HMG20A: variants seen among roughly 807,000 people sequenced by gnomAD.
The protein encoded by HMG20A is high mobility group 20A.
In HMG20A, 17 loss-of-function variants were observed where a neutral mutation model predicts 43.9. That is an observed-to-expected ratio of 0.39 (90% CI 0.27 to 0.58). The LOEUF is 0.58. Ranked by LOEUF, HMG20A falls within the 20% of genes least tolerant of loss-of-function variation. The probability of loss-of-function intolerance (pLI) is 0.59; values close to 1 mark genes in which losing one functional copy is unlikely to be tolerated. For synonymous variants in HMG20A, 132 were observed against 147.5 expected (o/e 0.89, Z 0.76); for missense variants, 341 against 438.2 (o/e 0.78, Z 1.98).
chr15:77,479,472 T>C, intron 9 of HMG20A, 151 bp downstream of exon 9: 1 of 686,364 alleles, frequency 1.5e-6, no homozygotes. Flanking sequence ...TTGTTAAATG[T>C]AGTAAATAAT....
chr15:77,435,172 AAGGT>A (rs2073532870), intron 1 of HMG20A, among the ~76,000 whole-genome samples: 1 of 152,180 alleles, frequency 6.6e-6, no homozygotes, highest in East Asian at 1.9e-4. Context: ...GAAGGGGCAT[AAGGT>A]AGGGGATTTC....
chr15:77,436,973 G>T (rs760851482), intron 1 of HMG20A, among the ~76,000 whole-genome samples: 5 of 151,972 alleles, frequency 3.3e-5, no homozygotes, highest in South Asian at 2.1e-4. Flanking sequence ...TTCCTCTCTG[G>T]CTCATTTTTC....
intron 1 of HMG20A, among the ~76,000 whole-genome samples, chr15:77,439,011 T>C (rs578079291): frequency 2.2e-4 from 34 of 152,284 alleles, no homozygotes; most frequent in Middle Eastern, 3.4e-3. Context: ...GCCAGGATAG[T>C]CTCGATCTCC....
At chr15:77,507,651 G>C in the HMG20A span, among the ~76,000 whole-genome samples, 2 of 152,210 alleles carry the variant, frequency 1.3e-5, no homozygotes, top group Admixed American at 6.5e-5. Flanking sequence ...ACACTTTAGA[G>C]GTGCCCCAAT....
At chr15:77,488,940 C>A (rs1177109220), downstream of HMG20A, among the ~76,000 whole-genome samples, 4 of 152,198 alleles carry the variant, frequency 2.6e-5, no homozygotes, top group African/African-American at 9.7e-5. Flanking sequence ...TTTATTACCT[C>A]TGAAATTGGA....
intron 3 of HMG20A, among the ~76,000 whole-genome samples, chr15:77,465,948 T>C (rs1369191662): frequency 6.6e-6 from 1 of 152,220 alleles, no homozygotes; most frequent in Non-Finnish European, 1.5e-5. Context: ...CCTTACATCT[T>C]ATTTAAAGGG....
At chr15:77,503,583 G>C in the HMG20A span, among the ~76,000 whole-genome samples, 1 of 152,150 alleles carries the variant, frequency 6.6e-6, no homozygotes, top group Non-Finnish European at 1.5e-5. Flanking sequence ...CCCTAGGGGA[G>C]AGGCATTATA....
chr15:77,504,262 C>A, the HMG20A span, among the ~76,000 whole-genome samples: 21 of 152,220 alleles, frequency 1.4e-4, no homozygotes, highest in Non-Finnish European at 3.1e-4. Context: ...GGAGGAAAGG[C>A]AGCTGGGCTC....
chr15:77,486,873 G>C (rs895915775), downstream of HMG20A, among the ~76,000 whole-genome samples: 5 of 152,184 alleles, frequency 3.3e-5, no homozygotes, highest in Non-Finnish European at 5.9e-5. Context: ...AACTATCAGG[G>C]TATCTCAGTT....
At chr15:77,446,477 A>G (rs544879121) in intron 1 of HMG20A, among the ~76,000 whole-genome samples, 2 of 152,274 alleles carry the variant, frequency 1.3e-5, no homozygotes, top group Non-Finnish European at 2.9e-5. Context: ...CTTTTCTGAT[A>G]TACCCTGCAT....
chr15:77,442,797 G>C (rs181445207), intron 1 of HMG20A, among the ~76,000 whole-genome samples: 1 of 152,066 alleles, frequency 6.6e-6, no homozygotes, highest in Non-Finnish European at 1.5e-5. Flanking sequence ...AGTATGGAGA[G>C]TCTGGCAAAA....
chr15:77,432,823 A>G (rs1052995875), intron 1 of HMG20A, among the ~76,000 whole-genome samples: 25 of 151,998 alleles, frequency 1.6e-4, no homozygotes, highest in Non-Finnish European at 2.9e-5. Flanking sequence ...ACCTCTAGCA[A>G]TATTGATAAA....
chr15:77,478,290 C>G lies in HMG20A; in HGVS notation c.692-5C>G. 1.2e-6 allele frequency: 2 copies of G among 1,613,014 alleles called. No individual in the cohort carries two copies. The highest frequency in any genetic ancestry group is 1.8e-4 in the Middle Eastern group (1 of 5,416). On this transcript the variant is annotated splice_region_variant and splice_polypyrimidine_tract_variant and intron_variant, in intron 7 of 9. Transcript: ENST00000336216. ...GCATGTGTTCTGTGGGATGTATGTC[C>G]TCAGCTCGGGAAGCAGAGCTCCGCC...
At chr15:77,465,595 G>A (rs1411023773) in intron 3 of HMG20A, among the ~76,000 whole-genome samples, 5 of 152,006 alleles carry the variant, frequency 3.3e-5, no homozygotes, top group Admixed American at 1.3e-4. Context: ...GAGTTTCTCC[G>A]TGTTGACCAG....
At chr15:77,448,660 T>G (rs1329182608) in intron 1 of HMG20A, among the ~76,000 whole-genome samples, 1 of 152,216 alleles carries the variant, frequency 6.6e-6, no homozygotes, top group African/African-American at 2.4e-5. Context: ...GGCAAGGATC[T>G]TTGCCTGTTT....
the HMG20A span, among the ~76,000 whole-genome samples, chr15:77,512,224 C>T: frequency 6.6e-6 from 1 of 151,826 alleles, no homozygotes; most frequent in South Asian, 2.1e-4. Flanking sequence ...TTCACGGGCA[C>T]AGAAAGTAGA....
rs952471 is a variant in HMG20A, at chr15:77,484,156, C to G, written c.*1193C>G. 0.63 allele frequency: 95,257 copies of G among 152,018 alleles called. 30,488 individuals carry two copies. The highest frequency in any genetic ancestry group is 0.71 in the Non-Finnish European group (48,177 of 68,042). 9.4% of individuals were successfully genotyped at this position (152,018 alleles called of 1,614,324 possible). On this transcript the variant is annotated 3_prime_UTR_variant, in exon 10 of 10. Coordinates refer to ENST00000336216, the MANE Select transcript of HMG20A (RefSeq NM_001304504.2). ...TTGTTTTGTTTACAGATGAGGTCTT[C>G]CTGTGTTGCCCAGGCTGGAGTGCGG...
the HMG20A span, among the ~76,000 whole-genome samples, chr15:77,493,787 G>A: frequency 6.6e-6 from 1 of 152,164 alleles, no homozygotes; most frequent in African/African-American, 2.4e-5. Flanking sequence ...TGCTTCACAT[G>A]GATGGTCCAG....
rs141318820 is a variant in HMG20A, at chr15:77,471,686, T to C, written c.584-97T>C. 7.4e-5 allele frequency: 56 copies of C among 757,956 alleles called. No individual in the cohort carries two copies. The African/African-American group carries it at 7.9e-4, about 11-fold the overall frequency. The allele number at this position is 757,956 out of a possible 1,614,324, so 47.0% of individuals were successfully genotyped here. A position where few individuals can be genotyped will look rare whatever the true frequency, so the allele number is the denominator to read the frequency against. The stretch of plus-strand genomic sequence containing the variant: ...ATCATATGTTATGAGAATCTACATA[T>C]ACAAGCAGGTTTTATAGTTTGGCAG... On this transcript the variant is annotated intron_variant, in intron 5 of 9. Transcript: ENST00000336216.
Sources: gnomAD v4.1 joint callset for allele counts (sites outside exome capture counted in the v4.1 genomes callset) on GRCh38, gnomAD v4.1.1 for gene constraint, MANE v1.5 for transcripts, NCBI Gene and HGNC (gene_info 2026-07-23, HGNC 2026-07-21) for gene names.